The following SLAIN2 variants were observed in gnomAD, a reference collection of about 807,000 sequenced individuals.
SLAIN2 encodes SLAIN motif-containing protein 2.
Under a neutral mutation model 56.6 loss-of-function variants are expected in SLAIN2, and 31 were observed. That is an observed-to-expected ratio of 0.55 (90% CI 0.41 to 0.74). SLAIN2 has a LOEUF of 0.74. Ranked by LOEUF, SLAIN2 falls within the 30% of genes least tolerant of loss-of-function variation. SLAIN2 has a pLI of 0.00. For missense variants in SLAIN2, 777 were observed against 754.2 expected, an observed-to-expected ratio of 1.03 and a Z score of -0.35; for synonymous variants, 317 against 284.9, an observed-to-expected ratio of 1.11 and a Z score of -1.13.
At chr4:48,406,753 A>G (rs1716708892) in intron 6 of SLAIN2, among the ~76,000 whole-genome samples, 1 of 151,986 alleles carries the variant, frequency 6.6e-6, no homozygotes, top group Non-Finnish European at 1.5e-5. Flanking sequence ...TCATTCTTTC[A>G]ATTTTTGCAT....
In SLAIN2 at chr4:48,383,709, A is replaced by G. The variant is rs1276202324; in HGVS notation, c.1285A>G (p.Lys429Glu). Residue 429 changes from lysine to glutamate, a missense_variant, in exon 6 of 8, where the codon AAA becomes GAA. By Grantham distance (56) the Lys-to-Glu change is moderately conservative. Transcript: ENST00000264313. ...RTSNTQVDSVKSSRSDSNFQV... is the reference protein window; with the variant it reads ...RTSNTQVDSVESSRSDSNFQV... Reference sequence around the variant, plus strand: ...ATCTAATACACAAGTTGACTCAGTGAAAAGCAGCAGAAGTGACTCAAATTT... The same window carrying G: ...ATCTAATACACAAGTTGACTCAGTGGAAAGCAGCAGAAGTGACTCAAATTT... 1 of 1,611,308 alleles carries G rather than the reference A, an allele frequency of 6.2e-7. No individual in the cohort carries two copies.
chr4:48,366,329 G>A (rs1352876261), intron 1 of SLAIN2, among the ~76,000 whole-genome samples: 1 of 152,190 alleles, frequency 6.6e-6, no homozygotes, highest in Admixed American at 6.5e-5. Context: ...AGTAAAGTTG[G>A]TTGATAATGT....
intron 6 of SLAIN2, among the ~76,000 whole-genome samples, chr4:48,393,368 C>CA (rs1429963489): frequency 6.8e-6 from 1 of 146,650 alleles, no homozygotes; most frequent in Non-Finnish European, 1.5e-5. Context: ...GGACCACAGA[C>CA]ACACCACCAT....
At chr4:48,382,260 C>G (rs572189597) in intron 4 of SLAIN2, among the ~76,000 whole-genome samples, 1 of 152,008 alleles carries the variant, frequency 6.6e-6, no homozygotes, top group Non-Finnish European at 1.5e-5. Flanking sequence ...GGATTACTGT[C>G]TTTAGGGGTA....
intron 1 of SLAIN2, among the ~76,000 whole-genome samples, chr4:48,362,413 TTC>T (rs935068293): frequency 6.6e-6 from 1 of 151,192 alleles, no homozygotes; most frequent in African/African-American, 2.4e-5. Flanking sequence ...CTGTCTCCCT[TTC>T]TCTCTCTCTT....
intron 1 of SLAIN2, among the ~76,000 whole-genome samples, chr4:48,357,071 A>G (rs1715175490): frequency 6.6e-6 from 1 of 151,314 alleles, no homozygotes; most frequent in African/African-American, 2.4e-5. Flanking sequence ...TATTAGTATT[A>G]TTGATAATAT....
rs147583064 is a variant in SLAIN2 at position 48,419,012 on chromosome 4, A to T, written c.1361-1113A>T. On this transcript the variant is annotated intron_variant, in intron 6 of 7. Coordinates refer to ENST00000264313, the MANE Select transcript of SLAIN2 (RefSeq NM_020846.2). ...TGGATATGCTACAAATTGTTTATCC[A>T]TTCATGTGTTGATGGACATTTGAGC... Among the ~76,000 whole-genome samples, 1,152 of 152,178 alleles carry T rather than the reference A, an allele frequency of 7.6e-3. 3 individuals carry two copies. Among genetic ancestry groups the T allele is most frequent in the Non-Finnish European group, 0.011 (718 of 68,014 alleles).
At chr4:48,397,389 C>G (rs1716428146) in intron 6 of SLAIN2, among the ~76,000 whole-genome samples, 1 of 152,016 alleles carries the variant, frequency 6.6e-6, no homozygotes, top group African/African-American at 2.4e-5. Context: ...AGGAAAGAGG[C>G]AACTAAGAAG....
At position 48,382,824 on chromosome 4, in the gene SLAIN2, T is replaced by C. The variant is rs774099416; in HGVS notation, c.1119T>C (p.Tyr373=). The C allele has an allele frequency of 6.2e-7, 1 of 1,613,754 alleles. No individual in the cohort carries two copies. Among genetic ancestry groups the C allele is most frequent in the East Asian group, 2.2e-5 (1 of 44,870 alleles). The part of the protein sequence containing the change: ...RSRSPARGIE[Y]SRVSPQPMIS... ...GATCTCCTGCTCGGGGAATAGAATA[T>C]AGTAGAGTGTCCCCACAGCCTATGA... Residue 373 remains tyrosine (Y), a synonymous_variant, in exon 5 of 8, where the codon TAT becomes TAC. Coordinates refer to ENST00000264313, the MANE Select transcript of SLAIN2 (RefSeq NM_020846.2).
chr4:48,383,045 A>G lies in SLAIN2; in HGVS notation c.1222+118A>G, dbSNP rs564733072. 383 of 1,078,594 alleles carry G rather than the reference A, an allele frequency of 3.6e-4. 1 individual carries two copies. The Middle Eastern group carries it at 5.2e-3, about 15-fold the overall frequency. 66.8% of individuals were successfully genotyped at this position (1,078,594 alleles called of 1,614,324 possible). A position where few individuals can be genotyped will look rare whatever the true frequency, so the allele number is the denominator to read the frequency against. ...TAGCTGGGCATGGTGGTGCACATCT[A>G]TAGTCCTAGTGACTTGAGAGGCTGA... On this transcript the variant is annotated intron_variant, in intron 5 of 7. Transcript: ENST00000264313.
At chr4:48,421,366 C>G (rs1717152860) in intron 7 of SLAIN2, among the ~76,000 whole-genome samples, 1 of 152,084 alleles carries the variant, frequency 6.6e-6, no homozygotes, top group African/African-American at 2.4e-5. Context: ...AATGATGCAT[C>G]TGTAACCTTT....
At chr4:48,406,354 G>A (rs1227933015) in intron 6 of SLAIN2, among the ~76,000 whole-genome samples, 2 of 151,966 alleles carry the variant, frequency 1.3e-5, no homozygotes, top group East Asian at 1.9e-4. Flanking sequence ...ACCTCCTTTA[G>A]CATTCTCTCA....
chr4:48,377,791 T>G (rs1188397745), intron 2 of SLAIN2, 105 bp from the exon 3 acceptor site: 2 of 1,086,696 alleles, frequency 1.8e-6, no homozygotes, highest in Non-Finnish European at 2.7e-6. Flanking sequence ...ATTTCTTCAT[T>G]TAAATTGAGA....
intron 6 of SLAIN2, among the ~76,000 whole-genome samples, chr4:48,406,873 A>AAT (rs1716711314): frequency 6.6e-6 from 1 of 152,130 alleles, no homozygotes; most frequent in Non-Finnish European, 1.5e-5. Context: ...CTTCTGCAGG[A>AAT]ATAAAGAATT....
chr4:48,403,355 C>T (rs536618673), intron 6 of SLAIN2, among the ~76,000 whole-genome samples: 2 of 152,198 alleles, frequency 1.3e-5, no homozygotes, highest in East Asian at 3.9e-4. Context: ...CGCTCCTCCT[C>T]CAGGGGCTCC....
At chr4:48,347,638 TTAA>T (rs1375576591) in intron 1 of SLAIN2, among the ~76,000 whole-genome samples, 1 of 152,232 alleles carries the variant, frequency 6.6e-6, no homozygotes, top group Non-Finnish European at 1.5e-5. Context: ...ATTTACCATG[TTAA>T]TAATTTTTAA....
intron 7 of SLAIN2, among the ~76,000 whole-genome samples, chr4:48,421,337 C>G (rs1717152303): frequency 6.6e-6 from 1 of 152,076 alleles, no homozygotes. Flanking sequence ...TCAGATGATT[C>G]TGAATCAGAC....
intron 6 of SLAIN2, among the ~76,000 whole-genome samples, chr4:48,419,178 T>C (rs1717080661): frequency 6.6e-6 from 1 of 151,926 alleles, no homozygotes; most frequent in Non-Finnish European, 1.5e-5. Context: ...TCCCCGCTTA[T>C]TGCAACCTCC....
At chr4:48,352,228 C>T (rs182595601) in intron 1 of SLAIN2, among the ~76,000 whole-genome samples, 5 of 152,154 alleles carry the variant, frequency 3.3e-5, no homozygotes, top group African/African-American at 1.2e-4. Flanking sequence ...TTGTGTCCAC[C>T]TCTTCTGCCC....
Sources: gnomAD v4.1 joint callset for allele counts (sites outside exome capture counted in the v4.1 genomes callset) on GRCh38, gnomAD v4.1.1 for gene constraint, MANE v1.5 for transcripts, NCBI Gene and HGNC (gene_info 2026-07-23, HGNC 2026-07-21) for gene names.